TNIK: variants seen among roughly 807,000 people sequenced by gnomAD.
The protein encoded by TNIK is TRAF2 and NCK-interacting protein kinase.
A neutral mutation model predicts 191.3 loss-of-function variants in TNIK; 49 were observed. That is an observed-to-expected ratio of 0.26 (90% CI 0.20 to 0.32). The LOEUF is 0.32. Ranked by LOEUF, TNIK falls within the 10% of genes least tolerant of loss-of-function variation. TNIK has a pLI of 1.00. For missense variants in TNIK, 1,155 were observed against 1,702.3 expected (o/e 0.68, Z 5.66); for synonymous variants, 594 against 600.9 (o/e 0.99, Z 0.17).
At chr3:171,459,872 G>T in intron 1 of TNIK, 135 bp downstream of exon 1, 2 of 1,108,910 alleles carry the variant, frequency 1.8e-6, no homozygotes, top group Non-Finnish European at 2.6e-6. Context: ...GAATCAAAAC[G>T]GGAATCCAGG....
At chr3:171,108,266 C>G (rs1055625820) in intron 19 of TNIK, 104 bp from the exon 20 acceptor site, 16 of 849,054 alleles carry the variant, frequency 1.9e-5, no homozygotes, top group Middle Eastern at 3.1e-4. Context: ...TGAGATTACT[C>G]AGTGGACACG....
rs141756483 is a variant in TNIK, at chr3:171,107,930, C to T, written c.2382+135G>A. 1.2e-4 allele frequency: 99 copies of T among 804,500 alleles called. No homozygotes were observed. The African/African-American group carries it at 1.5e-3, about 12-fold the overall frequency. 49.8% of individuals were successfully genotyped at this position (804,500 alleles called of 1,614,324 possible). Reference sequence around the variant, plus strand: ...TTTCCTAATCAGGTATGACTTTCTTCGGGATGTTTCTAGCATCCGTTCTTA... The same window carrying T: ...TTTCCTAATCAGGTATGACTTTCTTTGGGATGTTTCTAGCATCCGTTCTTA... On this transcript the variant is annotated intron_variant, in intron 20 of 32. Transcript: ENST00000436636.
chr3:171,199,971 G>A (rs903435220), intron 4 of TNIK, among the ~76,000 whole-genome samples: 1 of 152,222 alleles, frequency 6.6e-6, no homozygotes, highest in Non-Finnish European at 1.5e-5. Flanking sequence ...AGACAGGGCT[G>A]AAAGATATTT....
chr3:171,356,465 T>C (rs1256220679), intron 2 of TNIK, among the ~76,000 whole-genome samples: 1 of 152,212 alleles, frequency 6.6e-6, no homozygotes, highest in Non-Finnish European at 1.5e-5. Context: ...CACCAAGCCA[T>C]GAATCACCTT....
At chr3:171,150,165 G>A (rs892773003) in intron 12 of TNIK, among the ~76,000 whole-genome samples, 1 of 152,092 alleles carries the variant, frequency 6.6e-6, no homozygotes, top group Admixed American at 6.6e-5. Flanking sequence ...GATGACCCAG[G>A]GCAGCAATAA....
At chr3:171,131,787 A>T (rs1729330998) in intron 15 of TNIK, among the ~76,000 whole-genome samples, 1 of 152,236 alleles carries the variant, frequency 6.6e-6, no homozygotes, top group Non-Finnish European at 1.5e-5. Flanking sequence ...CAAAGGATCA[A>T]ATCAAACATT....
chr3:171,309,280 C>T (rs953031748), intron 2 of TNIK, among the ~76,000 whole-genome samples: 3 of 151,986 alleles, frequency 2.0e-5, no homozygotes, highest in African/African-American at 7.3e-5. Flanking sequence ...GGTCATCATC[C>T]CAAGTAAAAT....
At position 171,093,891 on chromosome 3, in the gene TNIK, G is replaced by T. The variant is rs368871345; in HGVS notation, c.2669C>A (p.Ala890Glu). 6.2e-7 allele frequency: 1 copy of T among 1,613,662 alleles called. No individual in the cohort carries two copies. The highest frequency in any genetic ancestry group is 1.3e-5 in the African/African-American group (1 of 74,870). ...TGAAATACTGCCGCTGAAACTGTCC[G>T]CATGAGAGGTCTCCAGCCCATGCGT... The part of the protein sequence containing the change: ...VGTHGLETSH[A>E]DSFSGSISRE... Residue 890 changes from alanine (A) to glutamate (E), a missense_variant, in exon 23 of 33, where the codon GCG (alanine) becomes GAG (glutamate). Ala to Glu is a moderately radical substitution (Grantham distance 107). This residue lies in a region of TNIK where 735 missense variants were observed against 848.0 expected (regional missense o/e 0.87). Coordinates refer to ENST00000436636, the MANE Select transcript of TNIK (RefSeq NM_015028.4).
intron 21 of TNIK, among the ~76,000 whole-genome samples, chr3:171,104,528 A>ATAG (rs145044138): frequency 0.084 from 12,387 of 147,906 alleles, 1,642 homozygotes; most frequent in African/African-American, 0.28. Context: ...AAATGTGAAG[A>ATAG]TAGCTACGAG....
At chr3:171,190,940 C>T (rs1737993130) in intron 5 of TNIK, among the ~76,000 whole-genome samples, 153 bp from the exon 6 acceptor site, 1 of 152,192 alleles carries the variant, frequency 6.6e-6, no homozygotes, top group South Asian at 2.1e-4. Context: ...TAGTGCTCTT[C>T]TAACTGTAGG....
At chr3:171,252,459 A>G (rs1244476694) in intron 2 of TNIK, among the ~76,000 whole-genome samples, 3 of 152,230 alleles carry the variant, frequency 2.0e-5, no homozygotes, top group Non-Finnish European at 2.9e-5. Context: ...CGTGTGCACG[A>G]CATTATATCT....
At chr3:171,458,976 G>A (rs558264197) in intron 1 of TNIK, among the ~76,000 whole-genome samples, 13 of 152,256 alleles carry the variant, frequency 8.5e-5, no homozygotes, top group Admixed American at 8.5e-4. Context: ...AGAAAGCTCT[G>A]CCCCCTTCCC....
chr3:171,266,259 T>C (rs1748390051), intron 2 of TNIK, among the ~76,000 whole-genome samples: 1 of 152,192 alleles, frequency 6.6e-6, no homozygotes, highest in Non-Finnish European at 1.5e-5. Context: ...TGTAAGCTGC[T>C]AACATTTCCA....
At chr3:171,115,139 G>A (rs1386194977) in intron 18 of TNIK, among the ~76,000 whole-genome samples, 1 of 152,134 alleles carries the variant, frequency 6.6e-6, no homozygotes, top group Non-Finnish European at 1.5e-5. Context: ...TTTGTGGAAC[G>A]GTAATGTAGT....
At chr3:171,120,235 C>G (rs1029763971) in intron 18 of TNIK, among the ~76,000 whole-genome samples, 5 of 151,970 alleles carry the variant, frequency 3.3e-5, no homozygotes, top group African/African-American at 1.2e-4. Flanking sequence ...CACTTAGTAA[C>G]TGGAGTTCAT....
intron 7 of TNIK, among the ~76,000 whole-genome samples, chr3:171,183,920 TTA>T (rs1491192631): frequency 1.5e-5 from 1 of 65,136 alleles, no homozygotes; most frequent in Non-Finnish European, 2.6e-5. Flanking sequence ...AGACTCCGTC[TTA>T]AAAAAAAAAA....
At chr3:171,182,467 A>G (rs751488636) in intron 7 of TNIK, among the ~76,000 whole-genome samples, 5 of 152,104 alleles carry the variant, frequency 3.3e-5, no homozygotes, top group Non-Finnish European at 7.3e-5. Context: ...TCAGAAAGAG[A>G]TAAGTTTCGT....
At chr3:171,364,608 T>G (rs1715438053) in intron 2 of TNIK, among the ~76,000 whole-genome samples, 1 of 152,202 alleles carries the variant, frequency 6.6e-6, no homozygotes, top group African/African-American at 2.4e-5. Context: ...AATTTTCCCT[T>G]GACTTATGTA....
At chr3:171,095,672 A>G (rs1019655492) in intron 22 of TNIK, among the ~76,000 whole-genome samples, 2 of 152,220 alleles carry the variant, frequency 1.3e-5, no homozygotes, top group African/African-American at 4.8e-5. Context: ...GGGCAGAGAA[A>G]GACATATTTC....
Sources: gnomAD v4.1 joint callset for allele counts (sites outside exome capture counted in the v4.1 genomes callset) on GRCh38, gnomAD v4.1.1 for gene constraint, gnomAD v4.1.1 regional missense constraint, MANE v1.5 for transcripts, NCBI Gene and HGNC (gene_info 2026-07-23, HGNC 2026-07-21) for gene names.